The following WDPCP variants were observed in gnomAD, a reference collection of about 807,000 sequenced individuals.
The protein encoded by WDPCP is WD repeat-containing and planar cell polarity effector protein fritz homolog.
A neutral mutation model predicts 93.1 loss-of-function variants in WDPCP; 71 were observed. The ratio of observed to expected loss-of-function variants is 0.76; its 90% CI spans 0.63 to 0.93. The LOEUF is 0.93. Ranked by LOEUF, WDPCP falls within the 40% of genes least tolerant of loss-of-function variation. The pLI, the probability that WDPCP is intolerant of heterozygous loss-of-function variation, is 0.00. For missense variants in WDPCP, 844 were observed against 887.4 expected (o/e 0.95, Z 0.62); for synonymous variants, 315 against 315.0 (o/e 1.00, Z 0.00).
At chr2:63,305,143 G>C (rs916451188) in intron 13 of WDPCP, among the ~76,000 whole-genome samples, 5 of 152,124 alleles carry the variant, frequency 3.3e-5, no homozygotes, top group African/African-American at 9.7e-5. Context: ...CAGAGCACCT[G>C]GGGGAAAGGG....
At chr2:63,195,767 ACTAGT>A (rs1019413147) in intron 14 of WDPCP, among the ~76,000 whole-genome samples, 81 of 152,336 alleles carry the variant, frequency 5.3e-4, no homozygotes, top group African/African-American at 1.9e-3. Context: ...ACATGTAGAT[ACTAGT>A]CTAAGATAAA....
chr2:63,606,894 T>C (rs1575728079), intron 3 of WDPCP: 1 of 1,611,936 alleles, frequency 6.2e-7, no homozygotes. Flanking sequence ...AAGGTCTCCC[T>C]ATTAATGATT....
At chr2:63,330,270 G>A (rs1381411539) in intron 12 of WDPCP, among the ~76,000 whole-genome samples, 1 of 152,116 alleles carries the variant, frequency 6.6e-6, no homozygotes, top group Non-Finnish European at 1.5e-5. Context: ...TGGTTAGTAG[G>A]TATCGTAACA....
chr2:63,451,236 G>C (rs1417144474), intron 6 of WDPCP, among the ~76,000 whole-genome samples: 2 of 151,890 alleles, frequency 1.3e-5, no homozygotes, highest in African/African-American at 4.8e-5. Context: ...TAATGAACTA[G>C]ACCAAGCAGA....
At chr2:63,399,452 T>G (rs1693981221) in intron 10 of WDPCP, among the ~76,000 whole-genome samples, 1 of 152,072 alleles carries the variant, frequency 6.6e-6, no homozygotes, top group Admixed American at 6.6e-5. Flanking sequence ...AAGAGAAAGC[T>G]GTGCTTTTTG....
chr2:63,678,521 G>A (rs1324760192), intron 2 of WDPCP, among the ~76,000 whole-genome samples: 2 of 152,198 alleles, frequency 1.3e-5, no homozygotes, highest in Non-Finnish European at 2.9e-5. Context: ...TACAGTACCT[G>A]CATGGGGGAT....
chr2:63,548,058 T>A (rs964232941), intron 1 of WDPCP, among the ~76,000 whole-genome samples: 3 of 151,914 alleles, frequency 2.0e-5, no homozygotes, highest in Admixed American at 2.0e-4. Context: ...CTATTATGCA[T>A]CAATAAAAAA....
At chr2:63,427,624 G>A (rs1310123541) in intron 9 of WDPCP, among the ~76,000 whole-genome samples, 1 of 152,072 alleles carries the variant, frequency 6.6e-6, no homozygotes, top group Non-Finnish European at 1.5e-5. Flanking sequence ...CCTACATCAC[G>A]AAGTTAGAAA....
At chr2:63,306,394 G>A (rs557063392) in intron 13 of WDPCP, among the ~76,000 whole-genome samples, 84 of 152,210 alleles carry the variant, frequency 5.5e-4, no homozygotes, top group African/African-American at 2.0e-3. Context: ...ATTTTATGAG[G>A]CCAGCATCAA....
intron 2 of WDPCP, among the ~76,000 whole-genome samples, chr2:63,678,971 G>A (rs1472422416): frequency 1.3e-5 from 2 of 152,198 alleles, no homozygotes; most frequent in African/African-American, 4.8e-5. Context: ...CATCTCTGGT[G>A]GCTACTTCCG....
At chr2:63,493,386 C>A (rs1407521402) in intron 1 of WDPCP, among the ~76,000 whole-genome samples, 1 of 152,050 alleles carries the variant, frequency 6.6e-6, no homozygotes, top group Non-Finnish European at 1.5e-5. Context: ...TACATACAAA[C>A]AGGCTAATTA....
intron 2 of WDPCP, among the ~76,000 whole-genome samples, chr2:63,718,260 T>C (rs1352774929): frequency 6.6e-6 from 1 of 152,190 alleles, no homozygotes; most frequent in Admixed American, 6.5e-5. Context: ...TCTTTTCTTT[T>C]GGGTAGATAG....
intron 6 of WDPCP, among the ~76,000 whole-genome samples, chr2:63,481,752 G>A (rs549271115): frequency 1.3e-5 from 2 of 151,694 alleles, no homozygotes; most frequent in South Asian, 2.1e-4. Flanking sequence ...AAGGGTGGGA[G>A]GGGGGTGAGG....
intron 6 of WDPCP, among the ~76,000 whole-genome samples, chr2:63,452,592 C>T (rs1698332613): frequency 6.6e-6 from 1 of 152,176 alleles, no homozygotes; most frequent in Non-Finnish European, 1.5e-5. Context: ...GAAAAAACTA[C>T]TTTAAAGTTC....
chr2:63,323,530 A>C (rs2104192523), intron 12 of WDPCP, among the ~76,000 whole-genome samples: 1 of 152,248 alleles, frequency 6.6e-6, no homozygotes, highest in East Asian at 1.9e-4. Flanking sequence ...TATTCATATA[A>C]GTAAGGACAA....
At chr2:63,163,688 G>A (rs1002179359) in intron 15 of WDPCP, among the ~76,000 whole-genome samples, 3 of 152,156 alleles carry the variant, frequency 2.0e-5, no homozygotes, top group Admixed American at 6.5e-5. Flanking sequence ...CAGATTTTCT[G>A]TTGGCAGGGA....
intron 15 of WDPCP, among the ~76,000 whole-genome samples, chr2:63,159,248 GT>G (rs1051561879): frequency 2.7e-5 from 4 of 148,796 alleles, no homozygotes; most frequent in African/African-American, 7.4e-5. Flanking sequence ...TGATACTTGG[GT>G]TTTTTTTTGT....
intron 2 of WDPCP, among the ~76,000 whole-genome samples, chr2:63,702,244 T>C (rs903020561): frequency 1.3e-5 from 2 of 152,162 alleles, no homozygotes; most frequent in African/African-American, 4.8e-5. Context: ...CAGGCTGGTC[T>C]TGAACTCCTG....
At chr2:63,807,384 T>C (rs1173733567) in intron 2 of WDPCP, among the ~76,000 whole-genome samples, 1 of 152,088 alleles carries the variant, frequency 6.6e-6, no homozygotes, top group Admixed American at 6.6e-5. Flanking sequence ...CCTCCCCATC[T>C]CTCTCTATTG....
Sources: gnomAD v4.1 joint callset for allele counts (sites outside exome capture counted in the v4.1 genomes callset) on GRCh38, gnomAD v4.1.1 for gene constraint, MANE v1.5 for transcripts, NCBI Gene and HGNC (gene_info 2026-07-23, HGNC 2026-07-21) for gene names.